The following ETFB variants were observed in gnomAD, a reference collection of about 807,000 sequenced individuals.
The protein encoded by ETFB is beta-ETF.
ETFB carries 20 observed loss-of-function variants against 25.6 expected under a neutral mutation model. That is an observed-to-expected ratio of 0.78 (90% CI 0.55 to 1.14). The LOEUF is 1.14. ETFB is among the 50% of genes most tolerant of loss of function. The probability of loss-of-function intolerance (pLI) is 0.00; values close to 1 mark genes in which losing one functional copy is unlikely to be tolerated. For missense variants in ETFB, 286 were observed against 342.6 expected (o/e 0.83, Z 1.30); for synonymous variants, 142 against 146.7 (o/e 0.97, Z 0.23).
chr19:51,348,176 G>C (rs1348781637), intron 4 of ETFB: 5 of 152,196 alleles, frequency 3.3e-5, no homozygotes, highest in Non-Finnish European at 7.3e-5. Context: ...AGCACTTTGA[G>C]GGGCCAAGGC....
At chr19:51,361,930 C>A (rs1375315003) in intron 1 of ETFB, 1 of 151,914 alleles carries the variant, frequency 6.6e-6, no homozygotes, top group African/African-American at 2.4e-5. Flanking sequence ...GTCTTGAACT[C>A]CTGACCTCGT....
chr19:51,354,396 G>A (rs779344556), intron 1 of ETFB, 88 bp from the exon 2 acceptor site: 2 of 1,614,090 alleles, frequency 1.2e-6, no homozygotes, highest in South Asian at 2.2e-5. Flanking sequence ...CAGGCTGGAT[G>A]AGGACAACGA....
intron 1 of ETFB, among the ~76,000 whole-genome samples, chr19:51,361,244 A>T (rs1986217878): frequency 6.6e-6 from 1 of 152,230 alleles, no homozygotes; most frequent in East Asian, 1.9e-4. Context: ...GAGGGATTTT[A>T]TAAAGTGATT....
chr19:51,353,987 C>T (rs113383578), intron 2 of ETFB, among the ~76,000 whole-genome samples, 163 bp downstream of exon 2: 1 of 148,038 alleles, frequency 6.8e-6, no homozygotes, highest in Non-Finnish European at 1.5e-5. Context: ...GGCCCCCATC[C>T]CCTTCTTCCT....
intron 1 of ETFB, among the ~76,000 whole-genome samples, chr19:51,360,467 G>A (rs542473574): frequency 6.6e-6 from 1 of 152,086 alleles, no homozygotes; most frequent in East Asian, 1.9e-4. Flanking sequence ...CAGACAACGA[G>A]TCAAGGGTTT....
At chr19:51,351,110 G>A (rs1340148685) in intron 3 of ETFB, among the ~76,000 whole-genome samples, 1 of 152,220 alleles carries the variant, frequency 6.6e-6, no homozygotes, top group African/African-American at 2.4e-5. Context: ...CCCACCCTAT[G>A]TGGCCCCTGG....
intron 4 of ETFB, among the ~76,000 whole-genome samples, chr19:51,348,693 AAAACAAAAAC>A (rs1985858034): frequency 8.0e-5 from 4 of 49,994 alleles, no homozygotes; most frequent in African/African-American, 5.2e-4. Flanking sequence ...GTTTAAAAAA[AAAACAAAAAC>A]AAACAAACAA....
intron 4 of ETFB, among the ~76,000 whole-genome samples, chr19:51,349,877 G>A (rs1322999409): frequency 6.6e-6 from 1 of 152,102 alleles, no homozygotes; most frequent in African/African-American, 2.4e-5. Context: ...CCCCTGAGTA[G>A]CTGAGACTAC....
intron 1 of ETFB, among the ~76,000 whole-genome samples, chr19:51,363,738 C>G (rs1029008234): frequency 6.6e-6 from 1 of 152,064 alleles, no homozygotes; most frequent in Non-Finnish European, 1.5e-5. Flanking sequence ...TGTGAGCCAC[C>G]GCGCCTGGCC....
intron 1 of ETFB, chr19:51,355,999 G>A (rs1003163749): frequency 2.6e-5 from 4 of 151,098 alleles, no homozygotes; most frequent in African/African-American, 4.9e-5. Flanking sequence ...GCTAAAGGAC[G>A]AGTTACTGGG....
chr19:51,363,398 G>A (rs1048058499), intron 1 of ETFB, among the ~76,000 whole-genome samples: 2 of 152,110 alleles, frequency 1.3e-5, no homozygotes, highest in African/African-American at 4.8e-5. Flanking sequence ...ACCTGAGGGT[G>A]TAGGGTCAGG....
chr19:51,364,205 G>A (rs1986297722), intron 1 of ETFB, among the ~76,000 whole-genome samples: 1 of 152,148 alleles, frequency 6.6e-6, no homozygotes, highest in Non-Finnish European at 1.5e-5. Flanking sequence ...GAAGGGTGGG[G>A]GGTGGAGAAC....
At chr19:51,353,468 C>G (rs1193827596) in intron 2 of ETFB, among the ~76,000 whole-genome samples, 178 bp from the exon 3 acceptor site, 65 of 41,038 alleles carry the variant, frequency 1.6e-3, no homozygotes, top group African/African-American at 8.6e-3. Flanking sequence ...GGGCCCCCAT[C>G]CCCTCCTTCC....
chr19:51,357,786 T>C (rs1862496), intron 1 of ETFB, among the ~76,000 whole-genome samples: 137,764 of 152,194 alleles, frequency 0.91, 62,977 homozygotes, highest in Non-Finnish European at 0.96. Flanking sequence ...CCACCGCTCC[T>C]GGCCCAACCT....
intron 1 of ETFB, among the ~76,000 whole-genome samples, chr19:51,362,346 GGC>G (rs1460803605): frequency 2.0e-5 from 3 of 152,184 alleles, no homozygotes; most frequent in African/African-American, 7.2e-5. Context: ...GGGAGGCTGA[GGC>G]GGGTGGATTA....
chr19:51,365,516 GGACA>G (rs1348274208), intron 1 of ETFB: 2 of 153,128 alleles, frequency 1.3e-5, no homozygotes, highest in Non-Finnish European at 2.9e-5. Context: ...GGACAGACAT[GGACA>G]GACAGTCACC....
intron 2 of ETFB, among the ~76,000 whole-genome samples, chr19:51,353,535 C>CTAT (rs1985985048): frequency 0.013 from 1 of 76 alleles, no homozygotes; most frequent in Non-Finnish European, 0.028. Flanking sequence ...GGAGTCCGGG[C>CTAT]CCCCATCCCC....
At chr19:51,349,824 A>C (rs530758168) in intron 4 of ETFB, among the ~76,000 whole-genome samples, 2 of 144,834 alleles carry the variant, frequency 1.4e-5, no homozygotes, top group African/African-American at 5.3e-5. Flanking sequence ...ATCTTGCCTC[A>C]CTGTAACCTC....
rs529109385 is a variant in ETFB at position 51,364,021 on chromosome 19, G to A, written c.57+2249C>T. ...GGCAGAGGGGCTGCGACTCTGTCCT[G>A]AGGGTGCTGGGGAGCCACAGGCAGG... On this transcript the variant is annotated intron_variant, in intron 1 of 5. Coordinates refer to ENST00000309244, the MANE Select transcript of ETFB (RefSeq NM_001985.3). 2.6e-5 allele frequency among the ~76,000 whole-genome samples: 4 copies of A among 152,316 alleles called. No individual in the cohort carries two copies. The South Asian group carries it at 8.3e-4, about 32-fold the overall frequency.
Sources: allele counts gnomAD v4.1 joint callset (sites outside exome capture counted in the v4.1 genomes callset), GRCh38; gene constraint gnomAD v4.1.1; transcripts MANE v1.5; gene names NCBI Gene and HGNC (gene_info 2026-07-23, HGNC 2026-07-21).